WASL: variants seen among roughly 807,000 people sequenced by gnomAD.
The protein encoded by WASL is actin nucleation-promoting factor WASL.
Under a neutral mutation model 55.5 loss-of-function variants are expected in WASL, and 20 were observed. The ratio of observed to expected loss-of-function variants is 0.36; its 90% CI spans 0.25 to 0.52. The LOEUF (loss-of-function observed/expected upper bound fraction) is 0.52, where lower values mean the gene tolerates loss of function less well. WASL is among the 20% of genes least tolerant of loss of function. WASL has a pLI of 0.92. For missense variants in WASL, 504 were observed against 622.5 expected (o/e 0.81, Z 2.03); for synonymous variants, 249 against 217.6 (o/e 1.14, Z -1.27).
rs1250675225 is a variant in WASL at position 123,684,455 on chromosome 7, CACAG to C, written c.*60_*63del. 1.2e-5 allele frequency: 6 copies of C among 514,068 alleles called. No individual in the cohort carries two copies. Among genetic ancestry groups the C allele is most frequent in the Admixed American group, 3.1e-5 (1 of 31,838 alleles). The allele number at this position is 514,068 out of a possible 1,614,324, so 31.8% of individuals were successfully genotyped here. A position where few individuals can be genotyped will look rare whatever the true frequency, so the allele number is the denominator to read the frequency against. ...ATTTACATGATAATTTTACAGAATCCACAGACAGAAAGTAGTGTTTAGTATTTCA... is the reference window on the plus strand; with the variant it reads ...ATTTACATGATAATTTTACAGAATCCACAGAAAGTAGTGTTTAGTATTTCA... On this transcript the variant is annotated 3_prime_UTR_variant, in exon 11 of 11. Transcript: ENST00000223023.
Position 123,684,588 on chromosome 7 carries a change from A to G in WASL, c.1457-8T>C. On this transcript the variant is annotated splice_polypyrimidine_tract_variant and splice_region_variant and intron_variant, in intron 10 of 10. Coordinates refer to ENST00000223023, the MANE Select transcript of WASL (RefSeq NM_003941.4). ...CTTCATCTTCATCTTCATCTACAAG[A>G]AAATCAAGACAATTAAAACATATGC... The G allele has an allele frequency of 6.7e-7, 1 of 1,501,908 alleles. No individual in the cohort carries two copies. The highest frequency in any genetic ancestry group is 9.0e-7 in the Non-Finnish European group (1 of 1,114,462). 93.0% of individuals were successfully genotyped at this position (1,501,908 alleles called of 1,614,324 possible).
chr7:123,694,884 ACTG>A lies in WASL; in HGVS notation c.673-19_673-17del, dbSNP rs764269687. Reference sequence around the variant, plus strand: ...AATTATTCAGCTACAAAAGAAAGTAACTGCTAACTATAAAAATATATCCCAATT... The same window carrying A: ...AATTATTCAGCTACAAAAGAAAGTAACTAACTATAAAAATATATCCCAATT... On this transcript the variant is annotated splice_polypyrimidine_tract_variant and intron_variant, in intron 7 of 10. Transcript: ENST00000223023. 2 of 1,590,850 alleles carry A rather than the reference ACTG, an allele frequency of 1.3e-6. No individual in the cohort carries two copies. The highest frequency in any genetic ancestry group is 1.7e-6 in the Non-Finnish European group (2 of 1,173,220).
intron 5 of WASL, among the ~76,000 whole-genome samples, chr7:123,703,899 AT>A (rs1385698170): frequency 6.6e-6 from 1 of 152,178 alleles, no homozygotes; most frequent in Non-Finnish European, 1.5e-5. Context: ...CAGGAACCTC[AT>A]TTAAATACGA....
At chr7:123,715,264 C>T (rs1803821871) in intron 1 of WASL, among the ~76,000 whole-genome samples, 1 of 152,160 alleles carries the variant, frequency 6.6e-6, no homozygotes, top group Admixed American at 6.5e-5. Flanking sequence ...ATACTTGCAC[C>T]TTGTAGCTTG....
At chr7:123,727,558 C>T (rs1584870383) in intron 1 of WASL, among the ~76,000 whole-genome samples, 2 of 152,126 alleles carry the variant, frequency 1.3e-5, no homozygotes, top group African/African-American at 4.8e-5. Flanking sequence ...ATCTCAAAAA[C>T]GTATATACTG....
chr7:123,740,723 G>GT (rs1223862987), intron 1 of WASL, among the ~76,000 whole-genome samples: 1 of 151,954 alleles, frequency 6.6e-6, no homozygotes, highest in Admixed American at 6.6e-5. Flanking sequence ...AGCCTCTGGA[G>GT]TAACTGGGAC....
At chr7:123,685,371 C>A (rs756677627) in intron 10 of WASL, among the ~76,000 whole-genome samples, 25 of 152,074 alleles carry the variant, frequency 1.6e-4, no homozygotes, top group Non-Finnish European at 2.9e-4. Context: ...GTCACTCTCT[C>A]TAGTAAGATG....
At chr7:123,695,955 C>A in intron 6 of WASL, 90 bp from the exon 7 acceptor site, 1 of 1,354,196 alleles carries the variant, frequency 7.4e-7, no homozygotes, top group East Asian at 2.4e-5. Context: ...CTACATTTGG[C>A]TTTGAATTTT....
rs1451831736 is a variant in WASL at position 123,684,329 on chromosome 7, T to C, written c.*190A>G. ...TTGCACACAATAACAGGGAGTAGCTTTGTAGAGGATTACGACAAACCTTTA... is the reference window on the plus strand; with the variant it reads ...TTGCACACAATAACAGGGAGTAGCTCTGTAGAGGATTACGACAAACCTTTA... On this transcript the variant is annotated 3_prime_UTR_variant, in exon 11 of 11. Transcript: ENST00000223023. 8.3e-6 allele frequency: 2 copies of C among 241,888 alleles called. No homozygotes were observed. The highest frequency in any genetic ancestry group is 1.6e-5 in the Non-Finnish European group (2 of 123,988). 15.0% of individuals were successfully genotyped at this position (241,888 alleles called of 1,614,324 possible). A position where few individuals can be genotyped will look rare whatever the true frequency, so the allele number is the denominator to read the frequency against.
In WASL at chr7:123,706,328, T is replaced by A; in HGVS notation, c.385A>T (p.Lys129Ter). Residue 129 changes from lysine to a stop codon, truncating the protein, a stop_gained, in exon 4 of 11, where the codon AAA (lysine) becomes TAA (stop). Transcript: ENST00000223023. LOFTEE classifies it high-confidence loss of function. ...LNFANEEEAK[K>*]FRKAVTDLLG... ...AGGTCTGTAACTGCTTTTCGAAATT[T>A]TTTTGCTTCTTCTTCATTGGCAAAA... The A allele has an allele frequency of 1.2e-6, 2 of 1,613,706 alleles. No homozygotes were observed. The highest frequency in any genetic ancestry group is 1.7e-6 in the Non-Finnish European group (2 of 1,179,802).
chr7:123,685,099 C>T (rs901739034), intron 10 of WASL, among the ~76,000 whole-genome samples: 9 of 151,928 alleles, frequency 5.9e-5, no homozygotes, highest in Non-Finnish European at 1.3e-4. Flanking sequence ...TCACCTCTTT[C>T]ACTGCTACTC....
intron 1 of WASL, among the ~76,000 whole-genome samples, chr7:123,738,251 T>C (rs1356440226): frequency 1.3e-5 from 2 of 152,026 alleles, no homozygotes; most frequent in African/African-American, 4.8e-5. Flanking sequence ...CATGGAAATA[T>C]ATATTTATAT....
intron 1 of WASL, among the ~76,000 whole-genome samples, chr7:123,734,009 C>T (rs938797450): frequency 6.6e-6 from 1 of 150,602 alleles, no homozygotes; most frequent in Non-Finnish European, 1.5e-5. Context: ...ATGTCAATTG[C>T]AAAACTGTAA....
chr7:123,742,213 C>A (rs925552069), intron 1 of WASL, among the ~76,000 whole-genome samples: 17 of 152,140 alleles, frequency 1.1e-4, no homozygotes, highest in Non-Finnish European at 1.9e-4. Context: ...TAAAACCCAG[C>A]CCTTTGCATC....
At chr7:123,711,753 C>G (rs1001675701) in intron 1 of WASL, among the ~76,000 whole-genome samples, 1 of 152,124 alleles carries the variant, frequency 6.6e-6, no homozygotes, top group African/African-American at 2.4e-5. Flanking sequence ...CAATTCCATT[C>G]CTTCTTGTCT....
At position 123,692,595 on chromosome 7, in the gene WASL, C is replaced by A; in HGVS notation, c.1099G>T (p.Gly367Trp). The A allele has an allele frequency of 1.9e-6, 3 of 1,608,206 alleles. No homozygotes were observed. The highest frequency in any genetic ancestry group is 4.5e-5 in the East Asian group (2 of 44,796). The change falls in exon 9 of 11, where the codon GGG becomes TGG. Residue 367 changes from glycine (G) to tryptophan (W), a missense_variant. Transcript: ENST00000223023. ...GGGGGTGGTGCCACTGGCCCTACCC[C>A]CAACACAGATGGAGGTGGTGGTGGA... The part of the protein sequence containing the change: ...GPPPPPPSVL[G>W]VGPVAPPPPP...
chr7:123,730,161 CT>C (rs1238649460), intron 1 of WASL, among the ~76,000 whole-genome samples: 1 of 151,994 alleles, frequency 6.6e-6, no homozygotes, highest in Non-Finnish European at 1.5e-5. Context: ...AATTTTTCAA[CT>C]GAAAATTGAA....
chr7:123,731,558 A>G (rs1478171347), intron 1 of WASL, among the ~76,000 whole-genome samples: 3 of 152,220 alleles, frequency 2.0e-5, no homozygotes, highest in African/African-American at 7.2e-5. Context: ...ATTTTGGGCC[A>G]TAAAACACAC....
Position 123,748,863 on chromosome 7 carries a change from G to A in WASL, c.-129C>T. The A allele has an allele frequency of 2.8e-6, 2 of 722,458 alleles. No individual in the cohort carries two copies. The highest frequency in any genetic ancestry group is 2.2e-6 in the Non-Finnish European group (1 of 460,384). 44.8% of individuals were successfully genotyped at this position (722,458 alleles called of 1,614,324 possible). On this transcript the variant is annotated 5_prime_UTR_variant, in exon 1 of 11. Transcript: ENST00000223023. ...GGCGCCACATCTCGCAGCTCCTCCG[G>A]AGCGGGGAGGAGGACGAGGTCGAGG...
Sources: gnomAD v4.1 joint callset for allele counts (sites outside exome capture counted in the v4.1 genomes callset) on GRCh38, gnomAD v4.1.1 for gene constraint, MANE v1.5 for transcripts, NCBI Gene and HGNC (gene_info 2026-07-23, HGNC 2026-07-21) for gene names.